Variants in PAQR5 observed in about 807,000 individuals in gnomAD.
PAQR5 encodes the protein progestin and adipoQ receptor family member 5, also known as membrane progestin receptor gamma.
Under a neutral mutation model 34.5 loss-of-function variants are expected in PAQR5, and 20 were observed. That is an observed-to-expected ratio of 0.58 (90% CI 0.41 to 0.84). The LOEUF (loss-of-function observed/expected upper bound fraction) is 0.84, where lower values mean the gene tolerates loss of function less well. Ranked by LOEUF, PAQR5 falls within the 40% of genes least tolerant of loss-of-function variation. The pLI is 0.00. For synonymous variants in PAQR5, 131 were observed against 155.6 expected (o/e 0.84, Z 1.18); for missense variants, 378 against 412.7 (o/e 0.92, Z 0.73).
intron 1 of PAQR5, among the ~76,000 whole-genome samples, chr15:69,319,189 A>ATACATATATATATT (rs2054035303): frequency 4.5e-4 from 4 of 8,814 alleles, no homozygotes; most frequent in South Asian, 0.026. Context: ...ATATATATAT[A>ATACATATATATATT]TATATATATA....
At chr15:69,354,692 A>G (rs1386195630) in intron 2 of PAQR5, among the ~76,000 whole-genome samples, 1 of 152,184 alleles carries the variant, frequency 6.6e-6, no homozygotes, top group Non-Finnish European at 1.5e-5. Context: ...TGACTGGATT[A>G]GGGAATACCT....
chr15:69,394,711 A>C (rs2056366748), intron 6 of PAQR5, among the ~76,000 whole-genome samples: 1 of 152,188 alleles, frequency 6.6e-6, no homozygotes, highest in South Asian at 2.1e-4. Flanking sequence ...AAGCCCGAGC[A>C]GGCTGGGCTG....
chr15:69,402,464 C>T (rs561244780), intron 8 of PAQR5, among the ~76,000 whole-genome samples: 5 of 152,122 alleles, frequency 3.3e-5, no homozygotes, highest in East Asian at 3.9e-4. Flanking sequence ...ATTACAGGCA[C>T]GTGTCACCAT....
chr15:69,336,892 G>A (rs186774736), intron 1 of PAQR5, among the ~76,000 whole-genome samples: 1 of 152,284 alleles, frequency 6.6e-6, no homozygotes, highest in East Asian at 1.9e-4. Context: ...GTATGCCACA[G>A]AAGTGGAAGA....
chr15:69,319,347 G>T (rs1351630819), intron 1 of PAQR5, among the ~76,000 whole-genome samples: 4 of 150,852 alleles, frequency 2.7e-5, no homozygotes, highest in African/African-American at 4.9e-5. Context: ...CTGCTCTATG[G>T]GTCCCCAGCT....
intron 1 of PAQR5, 61 bp downstream of exon 1, chr15:69,299,117 C>G (rs1010313683): frequency 6.6e-6 from 1 of 152,208 alleles, no homozygotes; most frequent in Admixed American, 6.5e-5. Flanking sequence ...CCACGCGCAC[C>G]CGCCCTCCGC....
intron 2 of PAQR5, among the ~76,000 whole-genome samples, chr15:69,344,522 C>T (rs2054719949): frequency 6.6e-6 from 1 of 152,216 alleles, no homozygotes; most frequent in African/African-American, 2.4e-5. Context: ...TAACCACCCC[C>T]ACCAGGGGTA....
At chr15:69,342,833 C>T (rs935587675) in intron 2 of PAQR5, among the ~76,000 whole-genome samples, 1 of 152,248 alleles carries the variant, frequency 6.6e-6, no homozygotes, top group African/African-American at 2.4e-5. Flanking sequence ...TCACCTCTCA[C>T]TCTCTGTTCT....
At position 69,390,829 on chromosome 15, in the gene PAQR5, G is replaced by GT. The variant is rs113062143; in HGVS notation, c.512+1063dup. Among the ~76,000 whole-genome samples, 1,266 of 142,634 alleles carry GT rather than the reference G, an allele frequency of 8.9e-3. 10 individuals carry two copies. The highest frequency in any genetic ancestry group is 0.023 in the African/African-American group (913 of 39,276). 93.6% of individuals were successfully genotyped at this position (142,634 alleles called of 152,430 possible). Reference sequence around the variant, plus strand: ...CAGCTTACGCGCTCTAATTCCCACTGTTTTTTTTTTTTTTCTTTCAAGAAA... The same window carrying GT: ...CAGCTTACGCGCTCTAATTCCCACTGTTTTTTTTTTTTTTTCTTTCAAGAAA... On this transcript the variant is annotated intron_variant, in intron 6 of 8. Coordinates refer to ENST00000395407, the MANE Select transcript of PAQR5 (RefSeq NM_017705.4).
chr15:69,311,607 G>A (rs1453044682), intron 1 of PAQR5, among the ~76,000 whole-genome samples: 1 of 152,142 alleles, frequency 6.6e-6, no homozygotes. Context: ...GGTACCAAAT[G>A]AGTTGGGACA....
At chr15:69,312,959 G>A (rs558345360) in intron 1 of PAQR5, among the ~76,000 whole-genome samples, 3 of 152,266 alleles carry the variant, frequency 2.0e-5, no homozygotes, top group East Asian at 1.9e-4. Context: ...CCTATTGGGC[G>A]ATTCCTCATG....
At chr15:69,375,777 C>T (rs777128304) in intron 3 of PAQR5, among the ~76,000 whole-genome samples, 22 of 152,130 alleles carry the variant, frequency 1.4e-4, no homozygotes, top group Non-Finnish European at 2.2e-4. Context: ...GTGAGGATTC[C>T]GTGAGCAGGA....
chr15:69,326,991 C>G (rs2054269288), intron 1 of PAQR5, among the ~76,000 whole-genome samples: 1 of 151,542 alleles, frequency 6.6e-6, no homozygotes, highest in South Asian at 2.1e-4. Flanking sequence ...CAGTATCATG[C>G]TGGGTTTTTT....
At chr15:69,401,426 A>G (rs909981429) in intron 8 of PAQR5, among the ~76,000 whole-genome samples, 3 of 152,196 alleles carry the variant, frequency 2.0e-5, no homozygotes, top group African/African-American at 7.2e-5. Flanking sequence ...TAAAATGCTT[A>G]GAGAACAGAT....
chr15:69,332,779 T>TAAAAAA (rs56280711), intron 1 of PAQR5, among the ~76,000 whole-genome samples: 1 of 59,794 alleles, frequency 1.7e-5, no homozygotes, highest in African/African-American at 7.1e-5. Context: ...CTAAATCTTG[T>TAAAAAA]AAAAAAAAAA....
intron 2 of PAQR5, among the ~76,000 whole-genome samples, chr15:69,355,288 TTTTCTTTCTTTCTTTCTTTCTTTC>T (rs202025030): frequency 7.4e-6 from 1 of 135,732 alleles, no homozygotes; most frequent in African/African-American, 2.9e-5. Flanking sequence ...TCTTTCTTTC[TTTTCTTTCTTTCTTTCTTTCTTTC>T]TTTCTTTCTT....
At position 69,329,793 on chromosome 15, in the gene PAQR5, C is replaced by T. The variant is rs147025147; in HGVS notation, c.-276-7548C>T. Among the ~76,000 whole-genome samples the T allele has an allele frequency of 4.9e-3, 748 of 152,196 alleles. 14 individuals are homozygous for T. The highest frequency in any genetic ancestry group is 0.017 in the African/African-American group (699 of 41,522). The stretch of plus-strand genomic sequence containing the variant: ...AACCACTGCAAACAGCCTCAATTTT[C>T]GGTTTTTAAATCATCCTAAAAGTTT... On this transcript the variant is annotated intron_variant, in intron 1 of 8. Transcript: ENST00000395407.
chr15:69,379,841 C>T (rs1351819268), intron 3 of PAQR5, 42 bp from the exon 4 acceptor site: 7 of 1,602,488 alleles, frequency 4.4e-6, no homozygotes, highest in Non-Finnish European at 6.0e-6. Context: ...TTCGTGCCAC[C>T]CTCTGGTCTC....
chr15:69,342,267 TTTATTATTATTATTATTA>T lies in PAQR5; in HGVS notation c.-116+4793_-116+4810del, dbSNP rs144248170. Among the ~76,000 whole-genome samples, 382 of 149,298 alleles carry T rather than the reference TTTATTATTATTATTATTA, an allele frequency of 2.6e-3. 6 individuals are homozygous for T. In the East Asian group the frequency reaches 0.039, roughly 15 times the overall value. ...CATGTGCCTATTGGTTGTTTGTTCT[TTTATTATTATTATTATTA>T]TTATTATTATTATTATTATTATTAT... On this transcript the variant is annotated intron_variant, in intron 2 of 8. Transcript: ENST00000395407.
Sources: gnomAD v4.1 joint callset for allele counts (sites outside exome capture counted in the v4.1 genomes callset) on GRCh38, gnomAD v4.1.1 for gene constraint, MANE v1.5 for transcripts, NCBI Gene and HGNC (gene_info 2026-07-23, HGNC 2026-07-21) for gene names.